The following OTOA variants were observed in gnomAD, a reference collection of about 807,000 sequenced individuals.
The protein encoded by OTOA is otoancorin.
A neutral mutation model predicts 110.8 loss-of-function variants in OTOA; 70 were observed. That is an observed-to-expected ratio of 0.63 (90% CI 0.52 to 0.77). The LOEUF (loss-of-function observed/expected upper bound fraction) is 0.77. OTOA is among the 30% of genes least tolerant of loss of function. The pLI is 0.00. For missense variants in OTOA, 917 were observed against 1,075.8 expected (o/e 0.85, Z 2.06); for synonymous variants, 373 against 431.5 (o/e 0.86, Z 1.68).
At chr16:21,670,303 T>G (rs1382499072) in intron 1 of OTOA, among the ~76,000 whole-genome samples, 1 of 152,044 alleles carries the variant, frequency 6.6e-6, no homozygotes, top group Non-Finnish European at 1.5e-5. Flanking sequence ...ATCCTCTTCG[T>G]GCAATTTACT....
chr16:21,728,127 A>C, intron 19 of OTOA, 114 bp from the exon 20 acceptor site: 1 of 1,313,618 alleles, frequency 7.6e-7, no homozygotes, highest in Non-Finnish European at 1.1e-6. Context: ...GGCCTCCCAG[A>C]GTGCTGGGAT....
intron 14 of OTOA, 151 bp from the exon 15 acceptor site, chr16:21,716,756 A>G: frequency 2.3e-6 from 2 of 864,410 alleles, no homozygotes; most frequent in South Asian, 1.5e-5. Context: ...CTGTTTCCTC[A>G]CCTGTGAAAT....
At chr16:21,670,423 C>T (rs553198056) in intron 1 of OTOA, among the ~76,000 whole-genome samples, 14 of 152,258 alleles carry the variant, frequency 9.2e-5, no homozygotes, top group African/African-American at 3.4e-4. Flanking sequence ...CCTTCACTTC[C>T]TGAGGTCTCT....
intron 21 of OTOA, among the ~76,000 whole-genome samples, chr16:21,735,991 AG>A (rs1361699100): frequency 6.6e-6 from 1 of 152,226 alleles, no homozygotes; most frequent in East Asian, 1.9e-4. Flanking sequence ...ATTAAGTATT[AG>A]CACTTCATTT....
chr16:21,722,580 G>C (rs2141710649), intron 17 of OTOA, among the ~76,000 whole-genome samples: 1 of 151,994 alleles, frequency 6.6e-6, no homozygotes, highest in Admixed American at 6.6e-5. Flanking sequence ...AAACAAAGTA[G>C]GTGCACTATT....
chr16:21,733,465 G>T (rs547835820), intron 21 of OTOA, among the ~76,000 whole-genome samples: 1 of 152,218 alleles, frequency 6.6e-6, no homozygotes, highest in Non-Finnish European at 1.5e-5. Context: ...GTACAGCCAG[G>T]GTTGAAGAAC....
Position 21,664,430 on chromosome 16 carries a change from G to T in OTOA, c.-5+198G>T, listed in dbSNP as rs368830042. 4.9e-4 allele frequency among the ~76,000 whole-genome samples: 74 copies of T among 152,134 alleles called. 2 individuals carry two copies. The highest frequency in any genetic ancestry group is 3.1e-3 in the South Asian group (15 of 4,820). ...TCCTGGGATTGGAGGGCACTTGGAG[G>T]GGGGGGACGATGAAACTTCGAGAAA... is the stretch of plus-strand genomic sequence containing the variant. On this transcript the variant is annotated intron_variant, in intron 1 of 28. Transcript: ENST00000646100.
intron 7 of OTOA, 77 bp from the exon 8 acceptor site, chr16:21,687,336 C>T: frequency 2.6e-6 from 3 of 1,151,966 alleles, no homozygotes; most frequent in Non-Finnish European, 2.6e-6. Context: ...CCCACTGTTG[C>T]AATGTGTGGT....
chr16:21,707,625 C>CTTTCTT (rs1567379388), intron 12 of OTOA, among the ~76,000 whole-genome samples: 1 of 95,424 alleles, frequency 1.0e-5, no homozygotes, highest in South Asian at 3.7e-4. Flanking sequence ...TTCTTTCTTT[C>CTTTCTT]TTTCTTTCTT....
chr16:21,728,681 C>G (rs1161236863), intron 20 of OTOA, among the ~76,000 whole-genome samples: 10 of 151,824 alleles, frequency 6.6e-5, no homozygotes, highest in Admixed American at 5.9e-4. Flanking sequence ...TTCTGACTCC[C>G]TGGTTCAAGC....
At chr16:21,728,825 A>C (rs947361912) in intron 20 of OTOA, among the ~76,000 whole-genome samples, 1 of 151,778 alleles carries the variant, frequency 6.6e-6, no homozygotes, top group Admixed American at 6.6e-5. Flanking sequence ...CTGACCTCGT[A>C]ATCCACCCAC....
intron 12 of OTOA, among the ~76,000 whole-genome samples, chr16:21,706,293 G>A (rs1236169255): frequency 6.6e-6 from 1 of 152,138 alleles, no homozygotes; most frequent in African/African-American, 2.4e-5. Context: ...CCCAGCTGAC[G>A]CTGCACTTCC....
chr16:21,728,230 T>G lies in OTOA; in HGVS notation c.2017-11T>G, dbSNP rs1219643358. On this transcript the variant is annotated splice_polypyrimidine_tract_variant and intron_variant, in intron 19 of 28. Transcript: ENST00000646100. ...TTGGAACTGCCCATTGGCTCCACTT[T>G]TTGGGTTCAGGACGACTCCATTGCT... 1 of 1,613,968 alleles carries G rather than the reference T, an allele frequency of 6.2e-7. No homozygotes were observed. The highest frequency in any genetic ancestry group is 1.3e-5 in the African/African-American group (1 of 74,908).
chr16:21,718,076 C>T (rs941503258), intron 15 of OTOA, among the ~76,000 whole-genome samples: 33 of 152,136 alleles, frequency 2.2e-4, no homozygotes, highest in African/African-American at 7.7e-4. Flanking sequence ...CATGGCTCCA[C>T]CTCCTGAAGT....
At position 21,735,109 on chromosome 16, in the gene OTOA, C is replaced by G. The variant is rs1244419939; in HGVS notation, c.2302-1152C>G. On this transcript the variant is annotated intron_variant, in intron 21 of 28. Coordinates refer to ENST00000646100, the MANE Select transcript of OTOA (RefSeq NM_144672.4). ...TGAGTGGAGATCACACCACTGTATTCCAGCTTGAGCAACAGAACAAGACTC... is the reference window on the plus strand; with the variant it reads ...TGAGTGGAGATCACACCACTGTATTGCAGCTTGAGCAACAGAACAAGACTC... 4.0e-5 allele frequency among the ~76,000 whole-genome samples: 6 copies of G among 148,506 alleles called. No homozygotes were observed. The East Asian group carries it at 1.2e-3, about 29-fold the overall frequency.
chr16:21,723,328 G>A (rs1898818098), intron 18 of OTOA, among the ~76,000 whole-genome samples: 1 of 152,122 alleles, frequency 6.6e-6, no homozygotes, highest in South Asian at 2.1e-4. Flanking sequence ...GCATGTGTGA[G>A]CTTTTGGGCC....
At chr16:21,705,529 G>A (rs758251193) in intron 12 of OTOA, 2 of 600,600 alleles carry the variant, frequency 3.3e-6, no homozygotes, top group Admixed American at 3.1e-5. Flanking sequence ...AGCTGTCTCA[G>A]CCAGGCGCGG....
intron 24 of OTOA, among the ~76,000 whole-genome samples, chr16:21,751,294 G>A (rs868843477): frequency 0.047 from 586 of 12,518 alleles, 21 homozygotes; most frequent in African/African-American, 0.1. Context: ...TTGGGAGGCC[G>A]AGGTGGGTGG....
chr16:21,700,611 G>T (rs547561048), intron 10 of OTOA, among the ~76,000 whole-genome samples: 1 of 151,614 alleles, frequency 6.6e-6, no homozygotes, highest in Non-Finnish European at 1.5e-5. Context: ...TGTAGTCCCA[G>T]CTACTCCGGA....
Sources: allele counts gnomAD v4.1 joint callset (sites outside exome capture counted in the v4.1 genomes callset), GRCh38; gene constraint gnomAD v4.1.1; transcripts MANE v1.5; gene names NCBI Gene and HGNC (gene_info 2026-07-23, HGNC 2026-07-21).